Variants in MMP26 observed in about 807,000 individuals in gnomAD.
MMP26 encodes matrix metalloproteinase-26.
In MMP26, 33 loss-of-function variants were observed where a neutral mutation model predicts 31.0. The observed-to-expected ratio is 1.06, with a 90% CI of 0.81 to 1.42. The LOEUF is 1.42. MMP26 is among the 40% of genes most tolerant of loss of function. MMP26 has a pLI of 0.00. For missense variants in MMP26, 347 were observed against 316.1 expected (o/e 1.10, Z -0.74); for synonymous variants, 122 against 114.9 (o/e 1.06, Z -0.40).
chr11:4,965,036 G>T lies in MMP26; in HGVS notation c.-144-23032G>T, dbSNP rs1846573134. 2.0e-5 allele frequency among the ~76,000 whole-genome samples: 3 copies of T among 152,168 alleles called. No individual in the cohort carries two copies. In the South Asian group the frequency reaches 6.2e-4, roughly 31 times the overall value. On this transcript the variant is annotated intron_variant, in intron 2 of 7. Coordinates refer to ENST00000380390, the MANE Select transcript of MMP26 (RefSeq NM_021801.5). ...ATCAACATGGTACACATTTACCTAT[G>T]TAACAAACCTGTCCACATGCTGCAC...
intron 1 of MMP26, among the ~76,000 whole-genome samples, chr11:4,734,801 T>C (rs1395763610): frequency 6.6e-6 from 1 of 152,176 alleles, no homozygotes; most frequent in Non-Finnish European, 1.5e-5. Flanking sequence ...GCATAGCATA[T>C]TTATATAAGC....
chr11:4,725,270 T>A (rs1286025371), intron 1 of MMP26, among the ~76,000 whole-genome samples: 1 of 152,196 alleles, frequency 6.6e-6, no homozygotes, highest in African/African-American at 2.4e-5. Flanking sequence ...AACTGACTAA[T>A]ACATAGACAT....
chr11:4,900,717 T>C lies in MMP26; in HGVS notation c.-144-87351T>C, dbSNP rs561972118. On this transcript the variant is annotated intron_variant, in intron 2 of 7. Coordinates refer to ENST00000380390, the MANE Select transcript of MMP26 (RefSeq NM_021801.5). Reference sequence around the variant, plus strand: ...GATCTTCAAACTTTGTTCTAACTTCTAGAACCATCCACATGCCACTTCATC... The same window carrying C: ...GATCTTCAAACTTTGTTCTAACTTCCAGAACCATCCACATGCCACTTCATC... Among the ~76,000 whole-genome samples, 4 of 152,336 alleles carry C rather than the reference T, an allele frequency of 2.6e-5. No individual in the cohort carries two copies. The East Asian group carries it at 7.7e-4, about 29-fold the overall frequency.
chr11:4,867,871 A>T (rs1378308641), intron 2 of MMP26, among the ~76,000 whole-genome samples: 1 of 152,170 alleles, frequency 6.6e-6, no homozygotes, highest in Non-Finnish European at 1.5e-5. Context: ...ATACCATTTG[A>T]CCGAGAAATC....
chr11:4,808,289 C>T (rs1223377103), intron 2 of MMP26, among the ~76,000 whole-genome samples: 3 of 152,114 alleles, frequency 2.0e-5, no homozygotes, highest in South Asian at 2.1e-4. Context: ...ACAATTCAGA[C>T]TCCTGCCCAG....
chr11:4,912,374 C>T (rs936637099), intron 2 of MMP26, among the ~76,000 whole-genome samples: 1 of 152,136 alleles, frequency 6.6e-6, no homozygotes, highest in African/African-American at 2.4e-5. Flanking sequence ...TATCACCAGA[C>T]ATAAGAGAAC....
intron 2 of MMP26, among the ~76,000 whole-genome samples, chr11:4,872,828 G>A (rs903881870): frequency 6.6e-6 from 1 of 151,974 alleles, no homozygotes; most frequent in Non-Finnish European, 1.5e-5. Context: ...CTATTGCTGT[G>A]AGGAAAGTTT....
chr11:4,838,744 A>G (rs1849755657), intron 2 of MMP26, among the ~76,000 whole-genome samples: 1 of 152,188 alleles, frequency 6.6e-6, no homozygotes, highest in South Asian at 2.1e-4. Flanking sequence ...GAGGGCAGGG[A>G]CAGAACAAGA....
chr11:4,802,413 A>G (rs1026029142), intron 2 of MMP26, among the ~76,000 whole-genome samples: 1 of 152,192 alleles, frequency 6.6e-6, no homozygotes, highest in African/African-American at 2.4e-5. Context: ...TGCTATCTGT[A>G]TAACAAATTT....
Position 4,899,042 on chromosome 11 carries a change from C to G in MMP26, c.-144-89026C>G, listed in dbSNP as rs188838060. 6.6e-4 allele frequency among the ~76,000 whole-genome samples: 100 copies of G among 152,222 alleles called. 1 individual carries two copies. The South Asian group carries it at 0.012, about 19-fold the overall frequency. Reference sequence around the variant, plus strand: ...CCTAAATTGAAGCAAAGTCTCTGTACCCTTGCATTAACCAGTAACTGAATG... The same window carrying G: ...CCTAAATTGAAGCAAAGTCTCTGTAGCCTTGCATTAACCAGTAACTGAATG... On this transcript the variant is annotated intron_variant, in intron 2 of 7. Transcript: ENST00000380390.
At chr11:4,824,089 A>G (rs945006067) in intron 2 of MMP26, among the ~76,000 whole-genome samples, 1 of 152,116 alleles carries the variant, frequency 6.6e-6, no homozygotes, top group Admixed American at 6.6e-5. Flanking sequence ...GATAATTTTT[A>G]TTACATACTG....
At chr11:4,828,507 A>G (rs1047377138) in intron 2 of MMP26, among the ~76,000 whole-genome samples, 3 of 152,182 alleles carry the variant, frequency 2.0e-5, no homozygotes, top group African/African-American at 7.2e-5. Context: ...TGTGGTAGGT[A>G]ACATAAGAAT....
intron 2 of MMP26, among the ~76,000 whole-genome samples, chr11:4,926,190 A>C (rs1426285511): frequency 2.0e-5 from 3 of 152,074 alleles, no homozygotes; most frequent in Non-Finnish European, 4.4e-5. Context: ...TATAAGAATA[A>C]AACCATTCTT....
In MMP26 at chr11:4,939,744, A is replaced by G. The variant is rs561581021; in HGVS notation, c.-144-48324A>G. On this transcript the variant is annotated intron_variant, in intron 2 of 7. Coordinates refer to ENST00000380390, the MANE Select transcript of MMP26 (RefSeq NM_021801.5). ...TCTTCACAACCTCTCAATGTGCCCA[A>G]ATTTCTATCCCAGGACCTTGCTTCC... is the stretch of plus-strand genomic sequence containing the variant. 7.9e-5 allele frequency among the ~76,000 whole-genome samples: 12 copies of G among 152,248 alleles called. No individual in the cohort carries two copies. In the South Asian group the frequency reaches 2.5e-3, roughly 32 times the overall value.
At chr11:4,822,161 T>C (rs1298656686) in intron 2 of MMP26, 1 of 1,612,450 alleles carries the variant, frequency 6.2e-7, no homozygotes, top group South Asian at 1.1e-5. Flanking sequence ...ACATCCCACA[T>C]CAGTGCTGTT....
intron 2 of MMP26, among the ~76,000 whole-genome samples, chr11:4,839,865 A>G (rs1486323365): frequency 1.3e-5 from 2 of 150,732 alleles, no homozygotes; most frequent in Non-Finnish European, 3.0e-5. Context: ...GGTGTAGAGC[A>G]GGTTCTTGGG....
At chr11:4,780,971 G>T (rs1454291991) in intron 2 of MMP26, among the ~76,000 whole-genome samples, 2 of 151,866 alleles carry the variant, frequency 1.3e-5, no homozygotes, top group East Asian at 1.9e-4. Context: ...AATAAAACTT[G>T]ATGCATGAAA....
intron 2 of MMP26, among the ~76,000 whole-genome samples, chr11:4,906,005 G>T (rs887485133): frequency 1.3e-5 from 2 of 151,928 alleles, no homozygotes; most frequent in African/African-American, 4.8e-5. Context: ...TAATTTCTCT[G>T]ACTAATTAAA....
At chr11:4,851,599 C>G (rs1430766635) in intron 2 of MMP26, among the ~76,000 whole-genome samples, 5 of 151,758 alleles carry the variant, frequency 3.3e-5, no homozygotes, top group African/African-American at 1.2e-4. Flanking sequence ...TTATAATACT[C>G]TATTGTCGAG....
Sources: allele counts gnomAD v4.1 joint callset (sites outside exome capture counted in the v4.1 genomes callset), GRCh38; gene constraint gnomAD v4.1.1; transcripts MANE v1.5; gene names NCBI Gene and HGNC (gene_info 2026-07-23, HGNC 2026-07-21).